Variants in FSHR observed in about 807,000 individuals in gnomAD.
FSHR encodes follicle stimulating hormone receptor.
A neutral mutation model predicts 52.1 loss-of-function variants in FSHR; 46 were observed. The observed-to-expected ratio is 0.88, with a 90% CI of 0.70 to 1.13. FSHR has a LOEUF of 1.13. Ranked by LOEUF, FSHR falls within the 50% of genes most tolerant of loss-of-function variation. The pLI is 0.00. For synonymous variants in FSHR, 399 were observed against 309.6 expected, an observed-to-expected ratio of 1.29 and a Z score of -3.03; for missense variants, 964 against 834.6, an observed-to-expected ratio of 1.16 and a Z score of -1.91.
At chr2:49,056,337 A>G (rs2104314149) in intron 2 of FSHR, among the ~76,000 whole-genome samples, 1 of 151,886 alleles carries the variant, frequency 6.6e-6, no homozygotes, top group South Asian at 2.1e-4. Flanking sequence ...AGGAATAGCT[A>G]TACTTACATC....
At chr2:49,118,118 G>A (rs1335826983) in intron 1 of FSHR, among the ~76,000 whole-genome samples, 2 of 152,094 alleles carry the variant, frequency 1.3e-5, no homozygotes, top group Non-Finnish European at 2.9e-5. Context: ...ATGGTTGGGG[G>A]GAAAGAGTAA....
intron 6 of FSHR, among the ~76,000 whole-genome samples, chr2:48,984,202 C>T (rs1675383082): frequency 6.6e-6 from 1 of 152,150 alleles, no homozygotes; most frequent in Non-Finnish European, 1.5e-5. Context: ...CTTTTTCCTC[C>T]TCTTGAAAAC....
At chr2:48,990,474 A>G (rs1036457358) in intron 5 of FSHR, 92 bp downstream of exon 5, 1 of 853,536 alleles carries the variant, frequency 1.2e-6, no homozygotes, top group Non-Finnish European at 2.1e-6. Context: ...TGGAGGATGT[A>G]GACTACACAA....
intron 4 of FSHR, among the ~76,000 whole-genome samples, chr2:49,006,148 T>C (rs749781406): frequency 3.3e-5 from 5 of 152,230 alleles, no homozygotes; most frequent in South Asian, 2.1e-4. Context: ...GACCTTGTGA[T>C]TGTGTGAGTT....
chr2:48,988,134 G>C (rs975272103), intron 6 of FSHR, among the ~76,000 whole-genome samples: 2 of 152,064 alleles, frequency 1.3e-5, no homozygotes, highest in East Asian at 3.8e-4. Flanking sequence ...CAACAGCCTG[G>C]TCTCTGAATC....
intron 1 of FSHR, among the ~76,000 whole-genome samples, chr2:49,128,192 G>C (rs1285058703): frequency 6.6e-6 from 1 of 151,878 alleles, no homozygotes; most frequent in Non-Finnish European, 1.5e-5. Flanking sequence ...ATTTATGCTT[G>C]AACTCAAATC....
chr2:49,106,350 A>G (rs990606785), intron 1 of FSHR, among the ~76,000 whole-genome samples: 1 of 151,928 alleles, frequency 6.6e-6, no homozygotes, highest in African/African-American at 2.4e-5. Context: ...ATAGAAAGAA[A>G]GAAAAAGAGA....
chr2:49,145,718 C>A (rs1672845635), intron 1 of FSHR, among the ~76,000 whole-genome samples: 2 of 152,046 alleles, frequency 1.3e-5, no homozygotes, highest in African/African-American at 2.4e-5. Context: ...TTTTTGGCAA[C>A]TTCATGAGGA....
intron 4 of FSHR, among the ~76,000 whole-genome samples, chr2:48,998,831 C>A (rs543576375): frequency 1.3e-5 from 2 of 151,800 alleles, no homozygotes; most frequent in South Asian, 4.2e-4. Flanking sequence ...TTAGTGAGAG[C>A]AAAACAGGAT....
intron 2 of FSHR, among the ~76,000 whole-genome samples, chr2:49,062,319 A>G (rs1472981205): frequency 6.6e-6 from 1 of 152,162 alleles, no homozygotes; most frequent in Non-Finnish European, 1.5e-5. Context: ...TGGGGAAAGG[A>G]AAATCTCTTC....
intron 1 of FSHR, among the ~76,000 whole-genome samples, chr2:49,091,459 A>T (rs1228731477): frequency 6.6e-6 from 1 of 152,124 alleles, no homozygotes; most frequent in Middle Eastern, 3.4e-3. Context: ...GTGTGTCACC[A>T]TGCCTGGCTA....
intron 1 of FSHR, among the ~76,000 whole-genome samples, chr2:49,118,189 AG>A (rs1452937931): frequency 6.6e-6 from 1 of 152,082 alleles, no homozygotes; most frequent in Non-Finnish European, 1.5e-5. Flanking sequence ...ATTCTGCAAG[AG>A]GGGCTCCCAG....
At chr2:49,023,475 G>A (rs1041508509) in intron 2 of FSHR, among the ~76,000 whole-genome samples, 15 of 152,174 alleles carry the variant, frequency 9.9e-5, no homozygotes, top group Non-Finnish European at 1.9e-4. Context: ...CAGGCAACAT[G>A]TCTAAGTCCA....
intron 1 of FSHR, among the ~76,000 whole-genome samples, chr2:49,104,529 T>C (rs1284715511): frequency 6.6e-6 from 1 of 152,172 alleles, no homozygotes; most frequent in African/African-American, 2.4e-5. Flanking sequence ...TCTTGTTCAG[T>C]CTTTTCTTTG....
chr2:48,980,670 T>C (rs1199984033), intron 8 of FSHR, among the ~76,000 whole-genome samples: 4 of 152,174 alleles, frequency 2.6e-5, no homozygotes, highest in African/African-American at 9.7e-5. Context: ...GAATAACTTT[T>C]AGATGTTCAA....
intron 8 of FSHR, among the ~76,000 whole-genome samples, chr2:48,978,196 G>A (rs916697472): frequency 1.3e-5 from 2 of 152,176 alleles, no homozygotes; most frequent in Non-Finnish European, 2.9e-5. Context: ...GAGTTAAAAA[G>A]CACTCTGTGC....
chr2:49,034,990 C>T (rs1017544406), intron 2 of FSHR, among the ~76,000 whole-genome samples: 3 of 152,210 alleles, frequency 2.0e-5, no homozygotes, highest in African/African-American at 7.2e-5. Flanking sequence ...GCAACAAGCC[C>T]TCCCAGTGCC....
intron 4 of FSHR, among the ~76,000 whole-genome samples, chr2:49,012,064 C>T (rs1189379462): frequency 6.6e-6 from 1 of 152,030 alleles, no homozygotes; most frequent in Non-Finnish European, 1.5e-5. Context: ...GGAGGTCTAA[C>T]AGGCCCACAT....
At chr2:49,125,948 T>C (rs1284715284) in intron 1 of FSHR, among the ~76,000 whole-genome samples, 1 of 152,218 alleles carries the variant, frequency 6.6e-6, no homozygotes, top group Non-Finnish European at 1.5e-5. Flanking sequence ...GAGGGCAAAC[T>C]GTCCATAAAT....
Sources: allele counts gnomAD v4.1 joint callset (sites outside exome capture counted in the v4.1 genomes callset), GRCh38; gene constraint gnomAD v4.1.1; transcripts MANE v1.5; gene names NCBI Gene and HGNC (gene_info 2026-07-23, HGNC 2026-07-21).